The following CD163L1 variants were observed in gnomAD, a reference collection of about 807,000 sequenced individuals.
The protein encoded by CD163L1 is CD163 molecule like 1.
In CD163L1, 124 loss-of-function variants were observed where a neutral mutation model predicts 165.4. The observed-to-expected ratio is 0.75, with a 90% confidence interval of 0.65 to 0.87. The LOEUF is 0.87. Ranked by LOEUF, CD163L1 falls within the 40% of genes least tolerant of loss-of-function variation. The pLI, the probability that CD163L1 is intolerant of heterozygous loss-of-function variation, is 0.00. For missense variants in CD163L1, 1,525 were observed against 1,799.9 expected (o/e 0.85, Z 2.76); for synonymous variants, 585 against 662.2 (o/e 0.88, Z 1.79).
the CD163L1 span, among the ~76,000 whole-genome samples, chr12:7,329,135 TATATAC>T: frequency 5.1e-4 from 76 of 148,598 alleles, no homozygotes; most frequent in African/African-American, 4.1e-4. Flanking sequence ...TATATACATC[TATATAC>T]ATATACATAT....
intron 7 of CD163L1, among the ~76,000 whole-genome samples, chr12:7,397,980 T>A (rs1012871523): frequency 1.3e-5 from 2 of 152,138 alleles, no homozygotes; most frequent in Admixed American, 6.5e-5. Flanking sequence ...GAAACATGTA[T>A]CCAAAGGTGG....
intron 6 of CD163L1, among the ~76,000 whole-genome samples, chr12:7,403,095 CATATAA>C (rs1271381480): frequency 1.3e-5 from 2 of 151,936 alleles, no homozygotes; most frequent in African/African-American, 4.8e-5. Flanking sequence ...TCAACATATG[CATATAA>C]ATATATCTAT....
At position 7,432,826 on chromosome 12, in the gene CD163L1, A is replaced by ACTG; in HGVS notation, c.446-91_446-90insCAG. 2 of 1,104,330 alleles carry ACTG rather than the reference A, an allele frequency of 1.8e-6. No homozygotes were observed. Among genetic ancestry groups the ACTG allele is most frequent in the Non-Finnish European group, 1.3e-6 (1 of 788,058 alleles). The allele number at this position is 1,104,330 out of a possible 1,614,324, so 68.4% of individuals were successfully genotyped here. A position where few individuals can be genotyped will look rare whatever the true frequency, so the allele number is the denominator to read the frequency against. On this transcript the variant is annotated intron_variant, in intron 3 of 19. Coordinates refer to ENST00000313599, the MANE Select transcript of CD163L1 (RefSeq NM_174941.6). The surrounding 1 kb of genome is among the most constrained non-coding windows in gnomAD (Gnocchi z 4.2). ...AGGATACGTAGAAGACAGCCCTGTTATGAATGAAGTTACCAAAAATTAAAA... is the reference window on the plus strand; with the variant it reads ...AGGATACGTAGAAGACAGCCCTGTTACTGTGAATGAAGTTACCAAAAATTAAAA...
chr12:7,368,702 G>A lies in CD163L1; in HGVS notation c.4072+231C>T. 2.0e-6 allele frequency: 1 copy of A among 489,928 alleles called. No individual in the cohort carries two copies. The highest frequency in any genetic ancestry group is 2.8e-5 in the South Asian group (1 of 36,288). The allele number at this position is 489,928 out of a possible 1,614,324, so 30.3% of individuals were successfully genotyped here. A position where few individuals can be genotyped will look rare whatever the true frequency, so the allele number is the denominator to read the frequency against. On this transcript the variant is annotated intron_variant, in intron 16 of 19. Transcript: ENST00000313599. This position sits in a 1 kb window ranked among gnomAD's most constrained non-coding sequence, Gnocchi z 4.3. ...TTGAGAATCTAGAAAGATTATCTAT[G>A]AGGGTACCATGAGAGTCTTATCCTT...
chr12:7,379,398 G>T, intron 8 of CD163L1, 100 bp from the exon 9 acceptor site: 1 of 1,205,148 alleles, frequency 8.3e-7, no homozygotes, highest in Non-Finnish European at 1.1e-6. Context: ...GTGGCCAAAA[G>T]TTGAGAGATT....
chr12:7,323,861 A>G, the CD163L1 span, among the ~76,000 whole-genome samples: 2 of 152,150 alleles, frequency 1.3e-5, no homozygotes, highest in Non-Finnish European at 2.9e-5. Flanking sequence ...TGTATTTTAT[A>G]TTACAAACTA....
intron 8 of CD163L1, among the ~76,000 whole-genome samples, chr12:7,390,765 A>G (rs1459939421): frequency 6.6e-6 from 1 of 152,220 alleles, no homozygotes; most frequent in African/African-American, 2.4e-5. Context: ...TAGACTAAGG[A>G]ATAAATATGT....
intron 4 of CD163L1, among the ~76,000 whole-genome samples, chr12:7,412,144 G>A (rs11053748): frequency 0.12 from 18,798 of 152,094 alleles, 1,668 homozygotes; most frequent in African/African-American, 0.24. Context: ...TTGAATCAAC[G>A]GACTCATGGC....
intron 5 of CD163L1, among the ~76,000 whole-genome samples, chr12:7,406,316 C>G (rs909590063): frequency 1.3e-5 from 2 of 152,072 alleles, no homozygotes; most frequent in Non-Finnish European, 2.9e-5. Flanking sequence ...GGGTAAAAAC[C>G]TTATTCCCAT....
chr12:7,361,844 C>T (rs1254903306), intron 18 of CD163L1, among the ~76,000 whole-genome samples: 1 of 151,916 alleles, frequency 6.6e-6, no homozygotes, highest in Admixed American at 6.6e-5. Flanking sequence ...ACCGTTACCA[C>T]CATCTATCTC....
At chr12:7,389,305 G>A (rs751108857) in intron 8 of CD163L1, among the ~76,000 whole-genome samples, 2 of 152,032 alleles carry the variant, frequency 1.3e-5, no homozygotes, top group African/African-American at 4.8e-5. Context: ...ATTTAACTGG[G>A]GTAATATGAT....
chr12:7,430,481 G>A lies in CD163L1; in HGVS notation c.766+1935C>T, dbSNP rs146555952. On this transcript the variant is annotated intron_variant, in intron 4 of 19. Transcript: ENST00000313599. The stretch of plus-strand genomic sequence containing the variant: ...TTTTCTATGCCTCTTCCACCTCTCC[G>A]AGTTTCTAATAAATTAACCAGTTAA... 1.7e-3 allele frequency among the ~76,000 whole-genome samples: 252 copies of A among 152,180 alleles called. 2 individuals carry two copies. The highest frequency in any genetic ancestry group is 1.1e-3 in the Non-Finnish European group (78 of 67,996).
chr12:7,351,072 T>G (rs1946703722), downstream of CD163L1, among the ~76,000 whole-genome samples: 1 of 152,178 alleles, frequency 6.6e-6, no homozygotes, highest in African/African-American at 2.4e-5. Context: ...GGATCATGCA[T>G]TGAACTTAAT....
intron 6 of CD163L1, among the ~76,000 whole-genome samples, chr12:7,402,077 T>C (rs1947925123): frequency 6.6e-6 from 1 of 151,956 alleles, no homozygotes; most frequent in African/African-American, 2.4e-5. Flanking sequence ...TATATTATAC[T>C]AACCTGACAT....
chr12:7,406,196 A>T (rs1489066199), intron 5 of CD163L1, among the ~76,000 whole-genome samples: 2 of 152,236 alleles, frequency 1.3e-5, no homozygotes, highest in Non-Finnish European at 2.9e-5. Flanking sequence ...TTTTAAAATT[A>T]TACTGAATAT....
rs1315606140 is a variant in CD163L1 at position 7,368,672 on chromosome 12, A to C, written c.4072+261T>G. 6.6e-6 allele frequency among the ~76,000 whole-genome samples: 1 copy of C among 151,950 alleles called. No individual in the cohort carries two copies. The highest frequency in any genetic ancestry group is 1.5e-5 in the Non-Finnish European group (1 of 68,000). ...AGCTGTTTCTGCCAGTCTCATAAAG[A>C]ATATTTGAGAATCTAGAAAGATTAT... On this transcript the variant is annotated intron_variant, in intron 16 of 19. Coordinates refer to ENST00000313599, the MANE Select transcript of CD163L1 (RefSeq NM_174941.6). This position sits in a 1 kb window ranked among gnomAD's most constrained non-coding sequence, Gnocchi z 4.3.
exon 5 of CD163L1, chr12:7,346,803 G>A (rs1325664192): frequency 5.3e-5 from 8 of 152,154 alleles, no homozygotes; most frequent in Non-Finnish European, 1.0e-4. Context: ...GCAGTTTTCA[G>A]GACAAGTACA....
chr12:7,353,090 C>T (rs776551282), downstream of CD163L1, among the ~76,000 whole-genome samples: 6 of 151,884 alleles, frequency 4.0e-5, no homozygotes, highest in Non-Finnish European at 5.9e-5. Context: ...AAAAATCTAA[C>T]GACAATGGCT....
At chr12:7,392,179 G>C (rs947740529) in intron 8 of CD163L1, among the ~76,000 whole-genome samples, 3 of 152,066 alleles carry the variant, frequency 2.0e-5, no homozygotes, top group Non-Finnish European at 2.9e-5. Flanking sequence ...TGGAAGTAAA[G>C]CACTCCTCAG....
Sources: allele counts gnomAD v4.1 joint callset (sites outside exome capture counted in the v4.1 genomes callset), GRCh38; gene constraint gnomAD v4.1.1; non-coding constraint Gnocchi (gnomAD v3.1); transcripts MANE v1.5; gene names NCBI Gene and HGNC (gene_info 2026-07-23, HGNC 2026-07-21).